The following KCNK10 variants were observed in gnomAD, a reference collection of about 807,000 sequenced individuals.
The protein encoded by KCNK10 is potassium two pore domain channel subfamily K member 10, also known as potassium channel subfamily K member 10.
A neutral mutation model predicts 47.7 loss-of-function variants in KCNK10; 25 were observed. The ratio of observed to expected loss-of-function variants is 0.52; its 90% CI spans 0.38 to 0.73. The LOEUF (loss-of-function observed/expected upper bound fraction) is 0.73, where lower values mean the gene tolerates loss of function less well. Ranked by LOEUF, KCNK10 falls within the 30% of genes least tolerant of loss-of-function variation. KCNK10 has a pLI of 0.00. For synonymous variants in KCNK10, 303 were observed against 285.6 expected, an observed-to-expected ratio of 1.06 and a Z score of -0.61; for missense variants, 563 against 714.5, an observed-to-expected ratio of 0.79 and a Z score of 2.42.
chr14:88,245,707 T>G (rs1037886201), intron 2 of KCNK10, among the ~76,000 whole-genome samples: 2 of 152,210 alleles, frequency 1.3e-5, no homozygotes, highest in African/African-American at 4.8e-5. Flanking sequence ...GGTGCAGCAG[T>G]AATCTCTTGG....
chr14:88,314,147 C>G (rs1344601522), intron 1 of KCNK10, among the ~76,000 whole-genome samples: 2 of 152,168 alleles, frequency 1.3e-5, no homozygotes, highest in Non-Finnish European at 2.9e-5. Flanking sequence ...TGTGTCCCCC[C>G]AGAATTCATA....
At chr14:88,320,511 T>C (rs1888524383) in intron 1 of KCNK10, among the ~76,000 whole-genome samples, 2 of 152,182 alleles carry the variant, frequency 1.3e-5, no homozygotes, top group East Asian at 3.8e-4. Flanking sequence ...GCTGCCCACC[T>C]AACACACCCC....
At chr14:88,197,465 T>C (rs1201736490) in intron 4 of KCNK10, among the ~76,000 whole-genome samples, 1 of 150,104 alleles carries the variant, frequency 6.7e-6, no homozygotes, top group Non-Finnish European at 1.5e-5. Context: ...CCCAGCTACT[T>C]AGGAGACTGA....
chr14:88,302,321 A>C (rs1399479192), intron 1 of KCNK10, among the ~76,000 whole-genome samples: 2 of 152,190 alleles, frequency 1.3e-5, no homozygotes, highest in Non-Finnish European at 2.9e-5. Context: ...GACAAGAAGG[A>C]CCTCAGGTCT....
At chr14:88,273,690 C>T (rs1412867322) in intron 1 of KCNK10, among the ~76,000 whole-genome samples, 2 of 152,126 alleles carry the variant, frequency 1.3e-5, no homozygotes, top group African/African-American at 4.8e-5. Flanking sequence ...GCCATGTTGA[C>T]GAGATGGACT....
chr14:88,280,105 C>T (rs574835699), intron 1 of KCNK10, among the ~76,000 whole-genome samples: 1 of 152,270 alleles, frequency 6.6e-6, no homozygotes, highest in South Asian at 2.1e-4. Context: ...GATACCCATC[C>T]TAAAACTGCA....
At chr14:88,200,431 C>T (rs531624133) in intron 4 of KCNK10, among the ~76,000 whole-genome samples, 2 of 152,114 alleles carry the variant, frequency 1.3e-5, no homozygotes, top group East Asian at 3.9e-4. Context: ...TGGAGGCATA[C>T]AAGAAGGCTT....
intron 4 of KCNK10, among the ~76,000 whole-genome samples, chr14:88,221,953 G>A (rs1221871203): frequency 1.3e-5 from 2 of 152,146 alleles, no homozygotes; most frequent in Non-Finnish European, 2.9e-5. Context: ...GTCTGAAAAG[G>A]CTACATACAG....
At chr14:88,215,544 T>G (rs769588930) in intron 4 of KCNK10, among the ~76,000 whole-genome samples, 2 of 152,118 alleles carry the variant, frequency 1.3e-5, no homozygotes, top group Non-Finnish European at 2.9e-5. Context: ...CCAAACCATA[T>G]CAGTGACTTA....
intron 1 of KCNK10, among the ~76,000 whole-genome samples, chr14:88,318,154 A>G (rs1888467628): frequency 6.6e-6 from 1 of 152,238 alleles, no homozygotes; most frequent in Non-Finnish European, 1.5e-5. Context: ...CTGATATGCC[A>G]CTATTTGGGG....
intron 1 of KCNK10, among the ~76,000 whole-genome samples, chr14:88,308,455 T>C (rs113119023): frequency 0.014 from 2,107 of 152,370 alleles, 55 homozygotes; most frequent in African/African-American, 0.049. Context: ...CTGCAAGGCA[T>C]ATAACAGACA....
Position 88,263,229 on chromosome 14 carries a change from G to A in KCNK10, c.375C>T (p.Ser125=). 1.2e-6 allele frequency: 2 copies of A among 1,614,042 alleles called. No homozygotes were observed. The highest frequency in any genetic ancestry group is 2.2e-5 in the East Asian group (1 of 44,884). ...AEFLRDHVCV[S]PQELETLIQH... ...GGATCAACGTCTCCAGCTCCTGGGGGCTCACACAGACATGATCCCGCAGGA... is the reference window on the plus strand; with the variant it reads ...GGATCAACGTCTCCAGCTCCTGGGGACTCACACAGACATGATCCCGCAGGA... Residue 125 remains serine (S), a synonymous_variant, in exon 2 of 7, where the codon AGC becomes AGT. Coordinates refer to ENST00000319231, the MANE Select transcript of KCNK10 (RefSeq NM_138317.3).
At chr14:88,197,709 T>C (rs1337559750) in intron 4 of KCNK10, among the ~76,000 whole-genome samples, 1 of 150,398 alleles carries the variant, frequency 6.6e-6, no homozygotes, top group Non-Finnish European at 1.5e-5. Context: ...TAATACGCTA[T>C]TGGAACACAA....
chr14:88,297,530 T>G (rs1209775423), intron 1 of KCNK10, among the ~76,000 whole-genome samples: 2 of 152,228 alleles, frequency 1.3e-5, no homozygotes, highest in African/African-American at 4.8e-5. Flanking sequence ...TTGGTGGTTT[T>G]GATAACAGAG....
chr14:88,271,066 C>G (rs989218338), intron 1 of KCNK10, among the ~76,000 whole-genome samples: 2 of 152,162 alleles, frequency 1.3e-5, no homozygotes, highest in Non-Finnish European at 2.9e-5. Context: ...TTCCCAGATT[C>G]TTCTCACCTC....
intron 4 of KCNK10, among the ~76,000 whole-genome samples, chr14:88,211,320 G>T (rs999220475): frequency 6.6e-6 from 1 of 152,210 alleles, no homozygotes; most frequent in Non-Finnish European, 1.5e-5. Flanking sequence ...CATAGACACA[G>T]AAAGTAGAAT....
chr14:88,206,631 T>C (rs1885283882), intron 4 of KCNK10, among the ~76,000 whole-genome samples: 1 of 152,230 alleles, frequency 6.6e-6, no homozygotes, highest in Non-Finnish European at 1.5e-5. Context: ...CAACACAACA[T>C]ACCTGAACCA....
At chr14:88,199,813 A>G (rs1210550832) in intron 4 of KCNK10, among the ~76,000 whole-genome samples, 1 of 152,226 alleles carries the variant, frequency 6.6e-6, no homozygotes, top group East Asian at 1.9e-4. Flanking sequence ...ACAAACAGGT[A>G]TGCATTTTCT....
chr14:88,265,704 G>C (rs1265706068), intron 1 of KCNK10, among the ~76,000 whole-genome samples: 1 of 152,140 alleles, frequency 6.6e-6, no homozygotes, highest in Non-Finnish European at 1.5e-5. Flanking sequence ...CTTACATCTT[G>C]GGGGAGTGAC....
Sources: allele counts gnomAD v4.1 joint callset (sites outside exome capture counted in the v4.1 genomes callset), GRCh38; gene constraint gnomAD v4.1.1; transcripts MANE v1.5; gene names NCBI Gene and HGNC (gene_info 2026-07-23, HGNC 2026-07-21).